THSD1: variants seen among roughly 807,000 people sequenced by gnomAD.
The protein encoded by THSD1 is thrombospondin type-1 domain-containing protein 1.
A neutral mutation model predicts 46.3 loss-of-function variants in THSD1; 34 were observed. That is an observed-to-expected ratio of 0.74 (90% CI 0.56 to 0.98). The LOEUF (loss-of-function observed/expected upper bound fraction) is 0.98, where lower values mean the gene tolerates loss of function less well. Among genes scored for constraint, THSD1 ranks in the 50% least tolerant of loss-of-function variants. The probability of loss-of-function intolerance (pLI) is 0.00; values close to 1 mark genes in which losing one functional copy is unlikely to be tolerated. For missense variants in THSD1, 1,023 were observed against 1,058.3 expected (o/e 0.97, Z 0.46); for synonymous variants, 407 against 416.5 (o/e 0.98, Z 0.28).
intron 3 of THSD1, among the ~76,000 whole-genome samples, chr13:52,389,728 C>T (rs910564336): frequency 1.2e-4 from 18 of 152,036 alleles, no homozygotes; most frequent in African/African-American, 4.3e-4. Context: ...TACCTAACAC[C>T]GGAGCTTCAA....
At chr13:52,390,837 T>C (rs549089234) in intron 3 of THSD1, among the ~76,000 whole-genome samples, 1 of 152,340 alleles carries the variant, frequency 6.6e-6, no homozygotes, top group Admixed American at 6.5e-5. Flanking sequence ...TCTTTTGCTT[T>C]ATATAATTTA....
intron 1 of THSD1, among the ~76,000 whole-genome samples, chr13:52,405,114 AC>A (rs1447936976): frequency 6.6e-6 from 1 of 152,238 alleles, no homozygotes; most frequent in African/African-American, 2.4e-5. Context: ...TATATTTTAT[AC>A]ACATTTGAAA....
chr13:52,406,113 A>T lies in THSD1; in HGVS notation c.-164T>A, dbSNP rs895719680. Reference sequence around the variant, plus strand: ...GGAAGGCTCAGGGGCGGCGAGGTAGAGCGCCAAGCATCCCGCGTCCCAGAC... The same window carrying T: ...GGAAGGCTCAGGGGCGGCGAGGTAGTGCGCCAAGCATCCCGCGTCCCAGAC... On this transcript the variant is annotated 5_prime_UTR_variant, in exon 1 of 5. Coordinates refer to ENST00000258613, the MANE Select transcript of THSD1 (RefSeq NM_018676.4). 6.6e-6 allele frequency: 1 copy of T among 152,164 alleles called. No individual in the cohort carries two copies. 9.4% of individuals were successfully genotyped at this position (152,164 alleles called of 1,614,324 possible).
At chr13:52,390,732 A>C (rs1957767039) in intron 3 of THSD1, among the ~76,000 whole-genome samples, 1 of 152,196 alleles carries the variant, frequency 6.6e-6, no homozygotes, top group Non-Finnish European at 1.5e-5. Flanking sequence ...TTAAAAATTA[A>C]GTCAATATAT....
chr13:52,390,190 C>T (rs1474831391), intron 3 of THSD1, among the ~76,000 whole-genome samples: 1 of 151,858 alleles, frequency 6.6e-6, no homozygotes, highest in Non-Finnish European at 1.5e-5. Flanking sequence ...CAGTACCCAT[C>T]CAACCCCAAG....
intron 4 of THSD1, among the ~76,000 whole-genome samples, chr13:52,382,627 T>C (rs998835689): frequency 1.1e-4 from 17 of 152,174 alleles, no homozygotes; most frequent in Admixed American, 7.2e-4. Flanking sequence ...CCTGCCTTCA[T>C]TCATTGCTCC....
At chr13:52,390,593 A>G (rs116058072) in intron 3 of THSD1, among the ~76,000 whole-genome samples, 2 of 152,206 alleles carry the variant, frequency 1.3e-5, no homozygotes, top group Admixed American at 1.3e-4. Context: ...AAAGCTTCAG[A>G]GATGTTCCCA....
intron 3 of THSD1, among the ~76,000 whole-genome samples, chr13:52,393,740 G>C (rs887396757): frequency 6.6e-6 from 1 of 152,134 alleles, no homozygotes; most frequent in Non-Finnish European, 1.5e-5. Context: ...TGAGTCAGTG[G>C]CTTACACAAG....
intron 3 of THSD1, among the ~76,000 whole-genome samples, chr13:52,390,805 T>C (rs1186558893): frequency 6.6e-6 from 1 of 152,226 alleles, no homozygotes; most frequent in African/African-American, 2.4e-5. Context: ...ATGCTAAGAA[T>C]CTTTTGTTGT....
Position 52,378,185 on chromosome 13 carries a change from G to A in THSD1, c.1785C>T (p.Pro595=), listed in dbSNP as rs745478997. 5.0e-6 allele frequency: 8 copies of A among 1,614,074 alleles called. No individual in the cohort carries two copies. The highest frequency in any genetic ancestry group is 3.3e-5 in the Admixed American group (2 of 60,000). The change falls in exon 5 of 5, where the codon CCC becomes CCT. Residue 595 remains proline, a synonymous_variant. Transcript: ENST00000258613. ...FRIKSPFPEQ[P]AVSAGERPPS... ...GAGGCCTTTCCCCGGCACTGACCGC[G>A]GGCTGCTCCGGAAATGGGGATTTGA...
chr13:52,382,621 C>T (rs1275238800), intron 4 of THSD1, among the ~76,000 whole-genome samples: 1 of 152,138 alleles, frequency 6.6e-6, no homozygotes, highest in East Asian at 1.9e-4. Flanking sequence ...ATCTTCCCTG[C>T]CTTCATTCAT....
intron 3 of THSD1, among the ~76,000 whole-genome samples, chr13:52,392,675 G>T (rs1957782323): frequency 6.6e-6 from 1 of 152,172 alleles, no homozygotes; most frequent in South Asian, 2.1e-4. Flanking sequence ...AGGGAGGTTT[G>T]TTTCTACCCA....
chr13:52,380,976 G>A (rs1957687747), intron 4 of THSD1, among the ~76,000 whole-genome samples: 1 of 152,028 alleles, frequency 6.6e-6, no homozygotes, highest in African/African-American at 2.4e-5. Context: ...GACCATCCAG[G>A]TGGCTTCAGG....
intron 2 of THSD1, among the ~76,000 whole-genome samples, chr13:52,401,445 C>G (rs7399631): frequency 0.51 from 76,803 of 151,596 alleles, 21,557 homozygotes; most frequent in Middle Eastern, 0.66. Context: ...ACTACAGGCA[C>G]CTGCCACCAC....
intron 3 of THSD1, among the ~76,000 whole-genome samples, chr13:52,394,644 A>G (rs976448221): frequency 5.9e-5 from 9 of 151,946 alleles, no homozygotes; most frequent in African/African-American, 2.2e-4. Flanking sequence ...ATCTTAGATG[A>G]GTAAATTCTT....
intron 1 of THSD1, among the ~76,000 whole-genome samples, 199 bp downstream of exon 1, chr13:52,405,832 C>A (rs898931143): frequency 6.6e-6 from 1 of 152,202 alleles, no homozygotes. Flanking sequence ...AAATTCGGGA[C>A]TCCGAAGTGT....
intron 1 of THSD1, among the ~76,000 whole-genome samples, chr13:52,405,133 T>TA (rs1957897184): frequency 6.6e-6 from 1 of 152,224 alleles, no homozygotes; most frequent in South Asian, 2.1e-4. Context: ...AAAATACTTC[T>TA]ACCTAGCATT....
intron 3 of THSD1, among the ~76,000 whole-genome samples, chr13:52,392,591 C>G (rs1314374799): frequency 2.0e-5 from 3 of 152,194 alleles, no homozygotes. Flanking sequence ...ACCTGTTTGT[C>G]CAGGCTAAAT....
chr13:52,379,689 G>T (rs147062342), intron 4 of THSD1, among the ~76,000 whole-genome samples: 2,814 of 151,970 alleles, frequency 0.019, 98 homozygotes, highest in African/African-American at 0.065. Flanking sequence ...TGGCCAGGAT[G>T]GTCTTGAACT....
Sources: gnomAD v4.1 joint callset for allele counts (sites outside exome capture counted in the v4.1 genomes callset) on GRCh38, gnomAD v4.1.1 for gene constraint, MANE v1.5 for transcripts, NCBI Gene and HGNC (gene_info 2026-07-23, HGNC 2026-07-21) for gene names.